PSMA1: variants seen among roughly 807,000 people sequenced by gnomAD.
PSMA1 encodes proteasome 20S subunit alpha 1.
Under a neutral mutation model 38.4 loss-of-function variants are expected in PSMA1, and 3 were observed. The ratio of observed to expected loss-of-function variants is 0.08; its 90% confidence interval spans 0.04 to 0.20. The LOEUF (loss-of-function observed/expected upper bound fraction) is 0.20. Among genes scored for constraint, PSMA1 ranks in the 10% least tolerant of loss-of-function variants. PSMA1 has a pLI of 1.00. For synonymous variants in PSMA1, 101 were observed against 107.1 expected, an observed-to-expected ratio of 0.94 and a Z score of 0.35; for missense variants, 227 against 325.3, an observed-to-expected ratio of 0.70 and a Z score of 2.32.
intron 1 of PSMA1, among the ~76,000 whole-genome samples, chr11:14,642,245 G>A (rs1037167266): frequency 6.6e-6 from 1 of 152,122 alleles, no homozygotes; most frequent in Admixed American, 6.5e-5. Context: ...AACTCAAAAT[G>A]TATCCATTTT....
chr11:14,625,087 T>C (rs1565061463), intron 1 of PSMA1, among the ~76,000 whole-genome samples: 1 of 152,202 alleles, frequency 6.6e-6, no homozygotes, highest in African/African-American at 2.4e-5. Context: ...ATGGAGGATG[T>C]GTTCCCTAAA....
At chr11:14,608,574 TA>T (rs1280158206) in intron 2 of PSMA1, among the ~76,000 whole-genome samples, 3 of 147,944 alleles carry the variant, frequency 2.0e-5, no homozygotes, top group Admixed American at 6.8e-5. Flanking sequence ...TAATAAAATT[TA>T]AAAAAGGCAA....
intron 1 of PSMA1, among the ~76,000 whole-genome samples, chr11:14,629,293 G>GT (rs1852966640): frequency 6.6e-6 from 1 of 151,976 alleles, no homozygotes; most frequent in South Asian, 2.1e-4. Flanking sequence ...GGGTTTTTAT[G>GT]GTTTTAGGTC....
intron 1 of PSMA1, chr11:14,519,824 GGGCCTCT>G (rs546969572): frequency 6.2e-6 from 1 of 161,394 alleles, no homozygotes; most frequent in African/African-American, 2.4e-5. Context: ...TGATTGAAAA[GGGCCTCT>G]TCTAATCGAA....
At chr11:14,532,169 T>C (rs1851654371) in intron 2 of PSMA1, among the ~76,000 whole-genome samples, 1 of 152,212 alleles carries the variant, frequency 6.6e-6, no homozygotes, top group South Asian at 2.1e-4. Context: ...ATTATACTTC[T>C]GGAAATGTTA....
At chr11:14,573,743 T>A (rs1363179842) in intron 2 of PSMA1, among the ~76,000 whole-genome samples, 1 of 152,174 alleles carries the variant, frequency 6.6e-6, no homozygotes, top group Admixed American at 6.5e-5. Flanking sequence ...GCAGATGACA[T>A]GATTGTATAT....
chr11:14,589,328 G>GATATATATATATATGTGTGTGTGT (rs1852384075), intron 2 of PSMA1, among the ~76,000 whole-genome samples: 1 of 148,368 alleles, frequency 6.7e-6, no homozygotes, highest in Non-Finnish European at 1.5e-5. Flanking sequence ...CATTAGGGAA[G>GATATATATATATATGTGTGTGTGT]ATATATATAT....
intron 2 of PSMA1, among the ~76,000 whole-genome samples, chr11:14,525,713 T>G (rs1301668563): frequency 6.6e-6 from 1 of 152,178 alleles, no homozygotes; most frequent in Non-Finnish European, 1.5e-5. Context: ...ATCTTAAAGA[T>G]GCTTTTTTCA....
chr11:14,539,502 T>A (rs1851747416), intron 2 of PSMA1, among the ~76,000 whole-genome samples: 1 of 151,786 alleles, frequency 6.6e-6, no homozygotes, highest in African/African-American at 2.4e-5. Flanking sequence ...AAGAAAAAAA[T>A]AATTTTAAAA....
intron 2 of PSMA1, among the ~76,000 whole-genome samples, chr11:14,586,829 C>T (rs1384134457): frequency 2.6e-5 from 4 of 151,944 alleles, no homozygotes; most frequent in South Asian, 2.1e-4. Flanking sequence ...GGCACGATCT[C>T]GGCTCACTGA....
chr11:14,513,725 ATAAT>A, intron 6 of PSMA1, 26 bp from the exon 7 acceptor site: 3 of 1,557,868 alleles, frequency 1.9e-6, no homozygotes, highest in Non-Finnish European at 2.6e-6. Context: ...AATACACCAC[ATAAT>A]TATTTACTTT....
chr11:14,559,741 G>T (rs1290253771), intron 2 of PSMA1, among the ~76,000 whole-genome samples: 1 of 152,192 alleles, frequency 6.6e-6, no homozygotes, highest in Non-Finnish European at 1.5e-5. Context: ...AATGCTTAGA[G>T]CTTTAAGTGT....
chr11:14,585,727 T>C (rs1852337648), intron 2 of PSMA1, among the ~76,000 whole-genome samples: 1 of 152,234 alleles, frequency 6.6e-6, no homozygotes. Flanking sequence ...GTTCTGCTCA[T>C]GCTAGCTCTG....
chr11:14,609,688 T>G (rs1852685745), intron 2 of PSMA1, among the ~76,000 whole-genome samples: 1 of 151,854 alleles, frequency 6.6e-6, no homozygotes, highest in South Asian at 2.1e-4. Flanking sequence ...ATTCCTGGAG[T>G]GTTTACAAAA....
At chr11:14,510,976 T>A in intron 7 of PSMA1, 25 bp from the exon 8 acceptor site, 2 of 1,411,160 alleles carry the variant, frequency 1.4e-6, no homozygotes, top group Non-Finnish European at 2.0e-6. Flanking sequence ...TTAACAATTA[T>A]TTCTTAATTT....
At chr11:14,633,593 T>C (rs543822620) in intron 1 of PSMA1, among the ~76,000 whole-genome samples, 5 of 152,304 alleles carry the variant, frequency 3.3e-5, no homozygotes, top group African/African-American at 7.2e-5. Flanking sequence ...GTCTTTTTGT[T>C]TGTCTGTGCC....
At chr11:14,576,339 C>G (rs1481306187) in intron 2 of PSMA1, among the ~76,000 whole-genome samples, 1 of 152,146 alleles carries the variant, frequency 6.6e-6, no homozygotes, top group East Asian at 1.9e-4. Context: ...ATGTTTTAGT[C>G]ATGAAGTCCT....
chr11:14,560,854 G>A (rs758922672), intron 2 of PSMA1, among the ~76,000 whole-genome samples: 1 of 152,076 alleles, frequency 6.6e-6, no homozygotes, highest in South Asian at 2.1e-4. Context: ...GACAGCTTCT[G>A]TACACAGAAG....
intron 2 of PSMA1, among the ~76,000 whole-genome samples, chr11:14,579,291 C>T (rs1417301604): frequency 6.6e-6 from 1 of 152,168 alleles, no homozygotes; most frequent in Non-Finnish European, 1.5e-5. Context: ...TTGCCTTGTC[C>T]AGCTTCTGAT....
Sources: allele counts gnomAD v4.1 joint callset (sites outside exome capture counted in the v4.1 genomes callset), GRCh38; gene constraint gnomAD v4.1.1; transcripts MANE v1.5; gene names NCBI Gene and HGNC (gene_info 2026-07-23, HGNC 2026-07-21).